The following HSD17B4 variants were observed in gnomAD, a reference collection of about 807,000 sequenced individuals.
HSD17B4 encodes peroxisomal multifunctional enzyme type 2.
HSD17B4 carries 70 observed loss-of-function variants against 101.0 expected under a neutral mutation model. The ratio of observed to expected loss-of-function variants is 0.69; its 90% CI spans 0.57 to 0.85. The LOEUF (loss-of-function observed/expected upper bound fraction) is 0.85, where lower values mean the gene tolerates loss of function less well. Among genes scored for constraint, HSD17B4 ranks in the 40% least tolerant of loss-of-function variants. The pLI is 0.00. For missense variants in HSD17B4, 984 were observed against 892.4 expected (o/e 1.10, Z -1.31); for synonymous variants, 347 against 297.1 (o/e 1.17, Z -1.73).
At chr5:119,476,783 CTCTT>C in intron 6 of HSD17B4, 3 of 820,788 alleles carry the variant, frequency 3.7e-6, no homozygotes, top group Non-Finnish European at 4.4e-6. Flanking sequence ...CCTTCTCCCT[CTCTT>C]TCTTTTTTTT....
chr5:119,470,551 A>G (rs1390052602), intron 2 of HSD17B4, among the ~76,000 whole-genome samples: 1 of 151,970 alleles, frequency 6.6e-6, no homozygotes, highest in African/African-American at 2.4e-5. Flanking sequence ...GGTAATGGCG[A>G]CTCTTGGGTG....
At chr5:119,491,861 C>T (rs990178970) in intron 9 of HSD17B4, among the ~76,000 whole-genome samples, 6 of 152,236 alleles carry the variant, frequency 3.9e-5, no homozygotes, top group East Asian at 3.9e-4. Flanking sequence ...ACATCAGATT[C>T]ATTCTTTTCT....
chr5:119,534,383 A>T (rs914379757), intron 22 of HSD17B4, among the ~76,000 whole-genome samples: 1 of 152,052 alleles, frequency 6.6e-6, no homozygotes, highest in African/African-American at 2.4e-5. Context: ...TGTACTATAT[A>T]TGTACTGTAT....
At chr5:119,535,210 A>G (rs1055714917) in intron 22 of HSD17B4, among the ~76,000 whole-genome samples, 1 of 152,162 alleles carries the variant, frequency 6.6e-6, no homozygotes, top group East Asian at 1.9e-4. Flanking sequence ...TCTCTTATCT[A>G]TTCACACAAC....
At chr5:119,492,937 G>A (rs1580604241) in intron 10 of HSD17B4, 1 of 152,006 alleles carries the variant, frequency 6.6e-6, no homozygotes, top group African/African-American at 2.4e-5. Flanking sequence ...TATCTCTGGA[G>A]GGCATTGCTG....
At chr5:119,479,760 C>T (rs1054285305) in intron 8 of HSD17B4, among the ~76,000 whole-genome samples, 3 of 152,072 alleles carry the variant, frequency 2.0e-5, no homozygotes, top group Non-Finnish European at 1.5e-5. Flanking sequence ...ATCTTGGTTG[C>T]TTCCAGTTTT....
In HSD17B4 at chr5:119,477,463, G is replaced by A. The variant is rs1463610831; in HGVS notation, c.396G>A (p.Arg132=). 1 of 1,613,108 alleles carries A rather than the reference G, an allele frequency of 6.2e-7. No homozygotes were observed. The highest frequency in any genetic ancestry group is 8.5e-7 in the Non-Finnish European group (1 of 1,179,178). ...VHLRGSFQVT[R]AAWEHMKKQK... Reference sequence around the variant, plus strand: ...TGCGGGGTTCATTCCAAGTGACACGGGCAGCATGGGAACACATGAAGAAAC... The same window carrying A: ...TGCGGGGTTCATTCCAAGTGACACGAGCAGCATGGGAACACATGAAGAAAC... The change falls in exon 7 of 24, where the codon CGG becomes CGA. Residue 132 remains arginine, a synonymous_variant. Coordinates refer to ENST00000510025, the MANE Select transcript of HSD17B4 (RefSeq NM_000414.4).
At chr5:119,469,913 G>A (rs1756188547) in intron 2 of HSD17B4, among the ~76,000 whole-genome samples, 1 of 152,104 alleles carries the variant, frequency 6.6e-6, no homozygotes, top group Admixed American at 6.5e-5. Flanking sequence ...ACAGTGGCAT[G>A]GTTTTGCTGG....
At position 119,536,445 on chromosome 5, in the gene HSD17B4, T is replaced by C; in HGVS notation, c.2016T>C (p.Ser672=). 6.2e-7 allele frequency: 1 copy of C among 1,612,438 alleles called. No individual in the cohort carries two copies. ...AKWTIDLKSG[S]GKVYQGPAKG... ...CAGCTATTGACCTGAAAAGTGGTTC[T>C]GGAAAAGTGTACCAAGGCCCTGCAA... The change falls in exon 23 of 24, where the codon TCT becomes TCC. Residue 672 remains serine, a synonymous_variant. Coordinates refer to ENST00000510025, the MANE Select transcript of HSD17B4 (RefSeq NM_000414.4).
intron 1 of HSD17B4, among the ~76,000 whole-genome samples, chr5:119,455,336 G>A (rs150010396): frequency 0.021 from 3,168 of 152,202 alleles, 105 homozygotes; most frequent in African/African-American, 0.07. Flanking sequence ...GGCCAACATG[G>A]TGAAACCCCA....
intron 8 of HSD17B4, among the ~76,000 whole-genome samples, chr5:119,479,722 T>A (rs1310844982): frequency 1.3e-5 from 2 of 152,196 alleles, no homozygotes; most frequent in African/African-American, 4.8e-5. Context: ...GTACTACAAT[T>A]TGTTTATTCA....
intron 22 of HSD17B4, 24 bp from the exon 23 acceptor site, chr5:119,536,399 T>G: frequency 6.2e-7 from 1 of 1,609,142 alleles, no homozygotes; most frequent in Non-Finnish European, 8.5e-7. Flanking sequence ...AAGATACACA[T>G]TGGTTTCTTC....
At position 119,501,145 on chromosome 5, in the gene HSD17B4, A is replaced by C. The variant is rs566957575; in HGVS notation, c.1210-896A>C. Among the ~76,000 whole-genome samples the C allele has an allele frequency of 5.3e-5, 8 of 152,254 alleles. No individual in the cohort carries two copies. The South Asian group carries it at 1.5e-3, about 28-fold the overall frequency. On this transcript the variant is annotated intron_variant, in intron 13 of 23. Transcript: ENST00000510025. ...CTGAACAATGTAAATGCAAAAAATT[A>C]AAACAAATGTTTCAAAATTCCCCCT... is the stretch of plus-strand genomic sequence containing the variant.
At chr5:119,471,232 C>T (rs934560366) in intron 2 of HSD17B4, among the ~76,000 whole-genome samples, 8 of 152,106 alleles carry the variant, frequency 5.3e-5, no homozygotes, top group African/African-American at 1.9e-4. Flanking sequence ...AATAAGAATT[C>T]AGTCTTTTGA....
intron 22 of HSD17B4, among the ~76,000 whole-genome samples, chr5:119,533,516 A>T (rs1437329271): frequency 1.3e-5 from 2 of 152,086 alleles, no homozygotes; most frequent in Non-Finnish European, 2.9e-5. Context: ...AGGAATGAGA[A>T]AGAGTCAAAA....
intron 11 of HSD17B4, among the ~76,000 whole-genome samples, chr5:119,494,586 C>T (rs767486585): frequency 6.6e-6 from 1 of 152,042 alleles, no homozygotes; most frequent in South Asian, 2.1e-4. Flanking sequence ...TCAACAAAAC[C>T]GCCCAGATAT....
At chr5:119,468,379 G>A (rs1449456126) in intron 2 of HSD17B4, among the ~76,000 whole-genome samples, 3 of 151,180 alleles carry the variant, frequency 2.0e-5, no homozygotes, top group Non-Finnish European at 2.9e-5. Context: ...TAGCTTGCTG[G>A]AGTAGTGTTC....
rs1176944513 is a variant in HSD17B4 at position 119,502,090 on chromosome 5, C to A, written c.1259C>A (p.Ala420Glu). The change falls in exon 14 of 24, where the codon GCA (alanine) becomes GAA (glutamate). Residue 420 changes from alanine (A) to glutamate (E), a missense_variant and splice_region_variant. Transcript: ENST00000510025. ...YLELYKPLPR[A>E]GKLKCEAVVA... ...GAGTTATATAAACCACTTCCCAGAG[C>A]AGGTGAGTTATTGATATACTAATTC... 1.3e-6 allele frequency: 2 copies of A among 1,590,524 alleles called. No individual in the cohort carries two copies. Among genetic ancestry groups the A allele is most frequent in the East Asian group, 2.2e-5 (1 of 44,728 alleles).
intron 6 of HSD17B4, 104 bp from the exon 7 acceptor site, chr5:119,477,313 G>A (rs1748675969): frequency 1.3e-6 from 1 of 799,124 alleles, no homozygotes; most frequent in Non-Finnish European, 2.1e-6. Context: ...TATACATTAG[G>A]TATAAAATGA....
Sources: gnomAD v4.1 joint callset for allele counts (sites outside exome capture counted in the v4.1 genomes callset) on GRCh38, gnomAD v4.1.1 for gene constraint, MANE v1.5 for transcripts, NCBI Gene and HGNC (gene_info 2026-07-23, HGNC 2026-07-21) for gene names.